The following TDRD1 variants were observed in gnomAD, a reference collection of about 807,000 sequenced individuals.
The protein encoded by TDRD1 is tudor domain containing 1, also known as tudor domain-containing protein 1.
TDRD1 carries 37 observed loss-of-function variants against 140.6 expected under a neutral mutation model. The observed-to-expected ratio is 0.26, with a 90% CI of 0.20 to 0.35. The LOEUF (loss-of-function observed/expected upper bound fraction) is 0.35. TDRD1 is among the 10% of genes least tolerant of loss of function. The pLI is 1.00. For missense variants in TDRD1, 1,243 were observed against 1,393.0 expected (o/e 0.89, Z 1.71); for synonymous variants, 506 against 475.7 (o/e 1.06, Z -0.83).
intron 1 of TDRD1, among the ~76,000 whole-genome samples, chr10:114,185,744 C>T (rs552835545): frequency 4.6e-5 from 7 of 151,304 alleles, no homozygotes; most frequent in East Asian, 4.0e-4. Flanking sequence ...TACACCACCA[C>T]GCCTGGCTAA....
intron 6 of TDRD1, among the ~76,000 whole-genome samples, chr10:114,202,682 A>G (rs1420526362): frequency 1.3e-5 from 2 of 152,144 alleles, no homozygotes; most frequent in Admixed American, 6.6e-5. Flanking sequence ...GTCGTGTCCA[A>G]CTCGTATTTA....
exon 22 of TDRD1, chr10:114,226,143 T>C: frequency 6.2e-7 from 1 of 1,614,108 alleles, no homozygotes; most frequent in Non-Finnish European, 8.5e-7. Flanking sequence ...AAACCCTGCC[T>C]CTTTGCAGAG....
chr10:114,180,226 C>G (rs1460601605), intron 1 of TDRD1, among the ~76,000 whole-genome samples: 1 of 152,162 alleles, frequency 6.6e-6, no homozygotes, highest in African/African-American at 2.4e-5. Flanking sequence ...CCCTTTAAGC[C>G]CTTAGGAAGT....
chr10:114,213,869 TAAA>T (rs2035643947), intron 15 of TDRD1, 105 bp from the exon 16 acceptor site: 2 of 999,592 alleles, frequency 2.0e-6, no homozygotes, highest in African/African-American at 1.6e-5. Flanking sequence ...TAAAGGCACT[TAAA>T]AAGTCAGTGG....
chr10:114,215,159 T>C (rs2035734236), intron 16 of TDRD1, among the ~76,000 whole-genome samples: 1 of 152,322 alleles, frequency 6.6e-6, no homozygotes, highest in African/African-American at 2.4e-5. Context: ...TGAGCCTTGC[T>C]GCTGCCCCCT....
At chr10:114,211,428 A>T (rs1035547774) in intron 13 of TDRD1, among the ~76,000 whole-genome samples, 22 of 152,208 alleles carry the variant, frequency 1.4e-4, no homozygotes, top group African/African-American at 5.3e-4. Flanking sequence ...TGCCGAAGAG[A>T]GGCCCGGTGG....
intron 11 of TDRD1, among the ~76,000 whole-genome samples, chr10:114,208,551 C>T (rs1215053627): frequency 6.6e-6 from 1 of 152,122 alleles, no homozygotes; most frequent in Non-Finnish European, 1.5e-5. Context: ...GTCCCCTCTC[C>T]TCCTACTGTG....
chr10:114,203,947 T>C, intron 8 of TDRD1, 126 bp from the exon 9 acceptor site: 1 of 1,121,964 alleles, frequency 8.9e-7, no homozygotes, highest in South Asian at 1.5e-5. Flanking sequence ...TTAAGTTGGC[T>C]TATTAATTGA....
At chr10:114,217,206 T>C (rs1344645958) in intron 16 of TDRD1, among the ~76,000 whole-genome samples, 2 of 152,212 alleles carry the variant, frequency 1.3e-5, no homozygotes, top group East Asian at 3.9e-4. Flanking sequence ...GTGATTATAG[T>C]CACTTTCAGG....
At chr10:114,205,241 G>A (rs111686555) in intron 10 of TDRD1, among the ~76,000 whole-genome samples, 50 of 152,208 alleles carry the variant, frequency 3.3e-4, no homozygotes, top group Middle Eastern at 3.4e-3. Flanking sequence ...TAACCTTCAC[G>A]GAACTGCATT....
At chr10:114,197,384 A>G (rs1011038952) in intron 3 of TDRD1, among the ~76,000 whole-genome samples, 3 of 151,850 alleles carry the variant, frequency 2.0e-5, no homozygotes, top group Admixed American at 2.0e-4. Flanking sequence ...TTTTTGTTAT[A>G]CTTTTCAGTT....
exon 16 of TDRD1, chr10:114,214,103 T>C: frequency 6.2e-7 from 1 of 1,613,552 alleles, no homozygotes; most frequent in Non-Finnish European, 8.5e-7. Flanking sequence ...TGCCATGTGC[T>C]TAAAGAGGAT....
chr10:114,186,349 C>T (rs1272856291), intron 1 of TDRD1, among the ~76,000 whole-genome samples: 1 of 152,186 alleles, frequency 6.6e-6, no homozygotes, highest in East Asian at 1.9e-4. Flanking sequence ...CTGCAAGCTC[C>T]GCCTCCTGAG....
chr10:114,220,495 G>C, intron 18 of TDRD1, 73 bp from the exon 19 acceptor site: 1 of 1,045,874 alleles, frequency 9.6e-7, no homozygotes, highest in Non-Finnish European at 1.4e-6. Context: ...GCAAAGACCT[G>C]GTGCTGGGTA....
chr10:114,215,149 T>C (rs2035733628), intron 16 of TDRD1, among the ~76,000 whole-genome samples: 1 of 152,232 alleles, frequency 6.6e-6, no homozygotes, highest in African/African-American at 2.4e-5. Context: ...TGCGAGCTTC[T>C]GAGCCTTGCT....
chr10:114,212,767 T>C (rs2035567769), intron 14 of TDRD1, among the ~76,000 whole-genome samples: 1 of 152,210 alleles, frequency 6.6e-6, no homozygotes, highest in Non-Finnish European at 1.5e-5. Context: ...GTTTATGGCT[T>C]TCTTAATTTT....
At chr10:114,218,372 G>A (rs773395869) in intron 17 of TDRD1, 42 bp from the exon 18 acceptor site, 2 of 1,345,982 alleles carry the variant, frequency 1.5e-6, no homozygotes, top group Non-Finnish European at 2.0e-6. Context: ...AGTGTCGATA[G>A]AAAGGAAATG....
intron 1 of TDRD1, among the ~76,000 whole-genome samples, chr10:114,181,418 G>C (rs545844603): frequency 3.3e-5 from 5 of 152,278 alleles, no homozygotes; most frequent in African/African-American, 1.2e-4. Flanking sequence ...TGTTTACCTG[G>C]GTATCAAGTC....
chr10:114,185,000 A>G (rs569751115), intron 1 of TDRD1, among the ~76,000 whole-genome samples: 15 of 152,316 alleles, frequency 9.8e-5, no homozygotes, highest in Admixed American at 2.0e-4. Flanking sequence ...ATTAGTCCCA[A>G]TTAGGTCAAG....
Sources: gnomAD v4.1 joint callset for allele counts (sites outside exome capture counted in the v4.1 genomes callset) on GRCh38, gnomAD v4.1.1 for gene constraint, MANE v1.5 for transcripts, NCBI Gene and HGNC (gene_info 2026-07-23, HGNC 2026-07-21) for gene names.